RNF180: variants seen among roughly 807,000 people sequenced by gnomAD.
RNF180 encodes ring finger protein 180.
RNF180 carries 38 observed loss-of-function variants against 59.2 expected under a neutral mutation model. That is an observed-to-expected ratio of 0.64 (90% CI 0.50 to 0.84). The LOEUF is 0.84. Ranked by LOEUF, RNF180 falls within the 40% of genes least tolerant of loss-of-function variation. The pLI is 0.00. For missense variants in RNF180, 705 were observed against 700.9 expected (o/e 1.01, Z -0.07); for synonymous variants, 262 against 240.3 (o/e 1.09, Z -0.84).
chr5:64,221,859 C>T (rs372919460), intron 5 of RNF180, among the ~76,000 whole-genome samples: 1 of 152,152 alleles, frequency 6.6e-6, no homozygotes, highest in Non-Finnish European at 1.5e-5. Context: ...ATGCTCCACA[C>T]GTAGTCTTCT....
chr5:64,351,370 C>G (rs930387733), intron 7 of RNF180, among the ~76,000 whole-genome samples: 3 of 152,134 alleles, frequency 2.0e-5, no homozygotes, highest in Admixed American at 1.3e-4. Context: ...TTGACTTCCT[C>G]TTTTCCTAAT....
chr5:64,322,805 A>G (rs867514876), intron 5 of RNF180, among the ~76,000 whole-genome samples: 2 of 152,160 alleles, frequency 1.3e-5, no homozygotes, highest in African/African-American at 2.4e-5. Flanking sequence ...GATGCAAAGC[A>G]TAAGAATGAC....
chr5:64,290,375 G>A (rs1184610364), intron 5 of RNF180, among the ~76,000 whole-genome samples: 1 of 152,174 alleles, frequency 6.6e-6, no homozygotes, highest in Non-Finnish European at 1.5e-5. Context: ...GGAGAGTTTT[G>A]TAGATATCTA....
intron 2 of RNF180, among the ~76,000 whole-genome samples, chr5:64,207,336 A>C (rs1223544512): frequency 1.3e-5 from 2 of 152,128 alleles, no homozygotes; most frequent in African/African-American, 4.8e-5. Context: ...ACCTGTGTAG[A>C]GATATGATGG....
intron 5 of RNF180, among the ~76,000 whole-genome samples, chr5:64,291,717 G>T (rs577971082): frequency 6.6e-6 from 1 of 152,000 alleles, no homozygotes; most frequent in Non-Finnish European, 1.5e-5. Flanking sequence ...GTGAGCCACC[G>T]TGCCCGGCCC....
At chr5:64,359,831 T>A (rs1397069478) in intron 7 of RNF180, among the ~76,000 whole-genome samples, 2 of 152,060 alleles carry the variant, frequency 1.3e-5, no homozygotes. Flanking sequence ...AAGGAAGGGA[T>A]CCAGTTTCAG....
At chr5:64,367,323 A>G (rs1309731000) in intron 7 of RNF180, among the ~76,000 whole-genome samples, 1 of 151,640 alleles carries the variant, frequency 6.6e-6, no homozygotes, top group Non-Finnish European at 1.5e-5. Context: ...GGATACCACT[A>G]TAGAAAACCA....
chr5:64,266,415 G>T (rs927323375), intron 5 of RNF180, among the ~76,000 whole-genome samples: 1 of 151,718 alleles, frequency 6.6e-6, no homozygotes, highest in African/African-American at 2.4e-5. Flanking sequence ...TAATATACAG[G>T]CTTCTTCTTT....
At chr5:64,174,751 G>T (rs548948166) in intron 1 of RNF180, among the ~76,000 whole-genome samples, 1 of 151,958 alleles carries the variant, frequency 6.6e-6, no homozygotes, top group African/African-American at 2.4e-5. Context: ...TATAGGTTCT[G>T]TTTATCGATT....
intron 7 of RNF180, among the ~76,000 whole-genome samples, chr5:64,353,796 G>A (rs992966143): frequency 9.9e-5 from 15 of 151,698 alleles, no homozygotes; most frequent in African/African-American, 3.6e-4. Context: ...ATAGAATGAA[G>A]CTAGAAATCC....
chr5:64,232,912 A>T (rs2963004), intron 5 of RNF180, among the ~76,000 whole-genome samples: 1,975 of 152,310 alleles, frequency 0.013, 16 homozygotes, highest in Non-Finnish European at 0.019. Flanking sequence ...CTAGTAAGTG[A>T]TGAAGCTTGA....
chr5:64,336,357 T>C (rs1393162498), intron 7 of RNF180, among the ~76,000 whole-genome samples: 2 of 152,136 alleles, frequency 1.3e-5, no homozygotes, highest in Non-Finnish European at 2.9e-5. Flanking sequence ...ATTAATGCTC[T>C]ACTAAGGTGT....
intron 1 of RNF180, among the ~76,000 whole-genome samples, chr5:64,195,166 GT>G (rs1172054140): frequency 6.6e-6 from 1 of 152,094 alleles, no homozygotes. Context: ...ATAGGAAAAT[GT>G]TTTCCATGAT....
At chr5:64,345,808 A>C (rs1745530256) in intron 7 of RNF180, among the ~76,000 whole-genome samples, 1 of 152,220 alleles carries the variant, frequency 6.6e-6, no homozygotes, top group East Asian at 1.9e-4. Context: ...CTGAGCCATT[A>C]TTCTGAATAC....
intron 5 of RNF180, among the ~76,000 whole-genome samples, chr5:64,220,946 C>A (rs568885335): frequency 3.8e-3 from 574 of 152,048 alleles, no homozygotes; most frequent in Non-Finnish European, 5.9e-3. Flanking sequence ...TTAGACACTA[C>A]GCATAATAGA....
At chr5:64,217,042 T>A (rs62372492) in intron 4 of RNF180, among the ~76,000 whole-genome samples, 43,383 of 152,068 alleles carry the variant, frequency 0.29, 6,424 homozygotes, top group African/African-American at 0.35. Context: ...TGTTCTCCAT[T>A]ATTTTAGTTT....
intron 5 of RNF180, among the ~76,000 whole-genome samples, chr5:64,303,664 G>A (rs1743280119): frequency 1.3e-5 from 2 of 151,654 alleles, no homozygotes; most frequent in African/African-American, 4.8e-5. Context: ...CAGAAGAAAA[G>A]TGTGAAGCTA....
chr5:64,329,026 T>C (rs1190704345), intron 6 of RNF180, among the ~76,000 whole-genome samples: 2 of 152,180 alleles, frequency 1.3e-5, no homozygotes, highest in Non-Finnish European at 2.9e-5. Context: ...TCATATATGT[T>C]CTCCAGTTGG....
chr5:64,336,684 G>A (rs1456880032), intron 7 of RNF180, among the ~76,000 whole-genome samples: 1 of 152,110 alleles, frequency 6.6e-6, no homozygotes, highest in Non-Finnish European at 1.5e-5. Flanking sequence ...ATAGTTTAAG[G>A]TCATTTTAAA....
Sources: allele counts gnomAD v4.1 joint callset (sites outside exome capture counted in the v4.1 genomes callset), GRCh38; gene constraint gnomAD v4.1.1; transcripts MANE v1.5; gene names NCBI Gene and HGNC (gene_info 2026-07-23, HGNC 2026-07-21).